Variants in NTM observed in about 807,000 individuals in gnomAD.
NTM encodes the protein IgLON family member 2.
In NTM, 13 loss-of-function variants were observed where a neutral mutation model predicts 42.1. The ratio of observed to expected loss-of-function variants is 0.31; its 90% CI spans 0.20 to 0.49. NTM has a LOEUF of 0.49. Ranked by LOEUF, NTM falls within the 20% of genes least tolerant of loss-of-function variation. NTM has a pLI of 0.99. For synonymous variants in NTM, 187 were observed against 179.2 expected, an observed-to-expected ratio of 1.04 and a Z score of -0.35; for missense variants, 373 against 452.8, an observed-to-expected ratio of 0.82 and a Z score of 1.60.
At chr11:132,070,647 A>G (rs1193735159) in intron 2 of NTM, among the ~76,000 whole-genome samples, 1 of 133,720 alleles carries the variant, frequency 7.5e-6, no homozygotes, top group East Asian at 2.3e-4. Context: ...CAAACTGACC[A>G]CCACAGGTTA....
At chr11:132,113,215 A>G (rs1189092928) in intron 2 of NTM, among the ~76,000 whole-genome samples, 5 of 152,216 alleles carry the variant, frequency 3.3e-5, no homozygotes, top group Admixed American at 3.3e-4. Flanking sequence ...GCCCGTGCCC[A>G]GTCTCAGCGA....
At chr11:131,752,801 GC>G (rs1199753539) in intron 1 of NTM, among the ~76,000 whole-genome samples, 2 of 31,414 alleles carry the variant, frequency 6.4e-5, no homozygotes, top group African/African-American at 2.1e-4. Context: ...GAAGAAAACC[GC>G]GCATTACCAT....
chr11:132,192,042 A>G (rs1210388841), intron 3 of NTM, among the ~76,000 whole-genome samples: 2 of 152,188 alleles, frequency 1.3e-5, no homozygotes, highest in Middle Eastern at 3.2e-3. Context: ...CCTACAACTC[A>G]TTGGCATTCC....
intron 2 of NTM, among the ~76,000 whole-genome samples, chr11:131,963,826 C>T (rs2062502225): frequency 6.6e-6 from 1 of 152,192 alleles, no homozygotes. Flanking sequence ...CTTATTTAAT[C>T]ATCAGAATGA....
chr11:131,912,818 T>C (rs961215042), intron 2 of NTM, among the ~76,000 whole-genome samples: 15 of 152,184 alleles, frequency 9.9e-5, no homozygotes, highest in African/African-American at 3.4e-4. Context: ...CTTCTAGGAT[T>C]GGGTTGTTTT....
At chr11:132,212,694 A>G (rs923337366) in intron 4 of NTM, among the ~76,000 whole-genome samples, 3 of 152,216 alleles carry the variant, frequency 2.0e-5, no homozygotes, top group African/African-American at 7.2e-5. Flanking sequence ...CTTTATCTGA[A>G]TGCTCAGATG....
chr11:131,858,312 C>A (rs1381729474), intron 1 of NTM, among the ~76,000 whole-genome samples: 2 of 152,048 alleles, frequency 1.3e-5, no homozygotes, highest in African/African-American at 4.8e-5. Context: ...TCTCTCTTTC[C>A]ATTTCTCCTT....
chr11:131,995,886 C>T (rs2067916897), intron 2 of NTM, among the ~76,000 whole-genome samples: 1 of 152,100 alleles, frequency 6.6e-6, no homozygotes, highest in Non-Finnish European at 1.5e-5. Context: ...GGTAAGGGAG[C>T]AGTCCTGCTG....
chr11:131,845,164 A>G (rs2044743747), intron 1 of NTM, among the ~76,000 whole-genome samples: 1 of 152,200 alleles, frequency 6.6e-6, no homozygotes, highest in Non-Finnish European at 1.5e-5. Context: ...TCATGAATTT[A>G]TCATATTTTA....
At chr11:131,978,347 G>C (rs1431455052) in intron 2 of NTM, among the ~76,000 whole-genome samples, 1 of 152,196 alleles carries the variant, frequency 6.6e-6, no homozygotes, top group Non-Finnish European at 1.5e-5. Context: ...ACTCAGGGAT[G>C]TTGGCAATGG....
intron 7 of NTM, among the ~76,000 whole-genome samples, chr11:132,321,853 A>T (rs1338171636): frequency 3.3e-5 from 5 of 149,824 alleles, no homozygotes; most frequent in African/African-American, 4.9e-5. Flanking sequence ...TACAAGCCAG[A>T]AGAGAGTGGG....
At chr11:131,658,304 C>G (rs2067467205) in intron 1 of NTM, among the ~76,000 whole-genome samples, 1 of 152,130 alleles carries the variant, frequency 6.6e-6, no homozygotes, top group Admixed American at 6.5e-5. Flanking sequence ...ACTTAAGGGC[C>G]TGTAATTTGT....
At chr11:132,307,093 A>G (rs997253225) in intron 4 of NTM, among the ~76,000 whole-genome samples, 2 of 152,128 alleles carry the variant, frequency 1.3e-5, no homozygotes, top group African/African-American at 4.8e-5. Flanking sequence ...AGGATCTTGT[A>G]CCTAGGAGCT....
rs1243627994 is a variant in NTM at position 131,459,307 on chromosome 11, C to G, written c.82+88419C>G. Reference sequence around the variant, plus strand: ...TTGTATCACCCAGGTTCAGAAAGGGCTTGGTGTCTTCCAAAAATATTTTTA... The same window carrying G: ...TTGTATCACCCAGGTTCAGAAAGGGGTTGGTGTCTTCCAAAAATATTTTTA... On this transcript the variant is annotated intron_variant, in intron 1 of 8. Transcript: ENST00000683400. Among the ~76,000 whole-genome samples, 9 of 152,310 alleles carry G rather than the reference C, an allele frequency of 5.9e-5. No homozygotes were observed. In the East Asian group the frequency reaches 1.5e-3, roughly 26 times the overall value.
chr11:132,065,511 A>G (rs1428248510), intron 2 of NTM, among the ~76,000 whole-genome samples: 1 of 151,726 alleles, frequency 6.6e-6, no homozygotes, highest in Non-Finnish European at 1.5e-5. Flanking sequence ...ATATCTTTCT[A>G]CCACTAGATA....
At chr11:132,062,328 T>C (rs192102252) in intron 2 of NTM, among the ~76,000 whole-genome samples, 1 of 152,328 alleles carries the variant, frequency 6.6e-6, no homozygotes, top group East Asian at 1.9e-4. Context: ...AGAATAGATT[T>C]GGCAGGTGCT....
At chr11:131,929,807 C>T (rs570199218) in intron 2 of NTM, among the ~76,000 whole-genome samples, 4 of 152,118 alleles carry the variant, frequency 2.6e-5, no homozygotes, top group Non-Finnish European at 5.9e-5. Context: ...AACACCAGGC[C>T]GCTCCCTGGA....
intron 1 of NTM, among the ~76,000 whole-genome samples, chr11:131,591,765 A>G (rs2059388005): frequency 6.6e-6 from 1 of 152,176 alleles, no homozygotes; most frequent in Non-Finnish European, 1.5e-5. Flanking sequence ...CCAGAGCGCT[A>G]ATGTGCCCAG....
chr11:132,211,992 T>A, intron 3 of NTM, 30 bp from the exon 4 acceptor site: 1 of 1,600,194 alleles, frequency 6.2e-7, no homozygotes, highest in Non-Finnish European at 8.5e-7. Context: ...TCAGGAGGAT[T>A]TTTATTTTCA....
Sources: gnomAD v4.1 joint callset for allele counts (sites outside exome capture counted in the v4.1 genomes callset) on GRCh38, gnomAD v4.1.1 for gene constraint, MANE v1.5 for transcripts, NCBI Gene and HGNC (gene_info 2026-07-23, HGNC 2026-07-21) for gene names.